Variants in RXRA observed in about 807,000 individuals in gnomAD.
RXRA encodes retinoid X receptor alpha.
A neutral mutation model predicts 44.5 loss-of-function variants in RXRA; 5 were observed. That is an observed-to-expected ratio of 0.11 (90% CI 0.06 to 0.24). The LOEUF is 0.24. RXRA is among the 10% of genes least tolerant of loss of function. RXRA has a pLI of 1.00. For synonymous variants in RXRA, 291 were observed against 271.4 expected (o/e 1.07, Z -0.71); for missense variants, 412 against 646.5 (o/e 0.64, Z 3.93).
In RXRA at chr9:134,388,249, TG is replaced by T. The variant is rs1297989740; in HGVS notation, c.29-13378del. Among the ~76,000 whole-genome samples, 11 of 134,378 alleles carry T rather than the reference TG, an allele frequency of 8.2e-5. No individual in the cohort carries two copies. The East Asian group carries it at 2.6e-3, about 32-fold the overall frequency. The allele number at this position is 134,378 out of a possible 152,430, so 88.2% of individuals were successfully genotyped here. On this transcript the variant is annotated intron_variant, in intron 1 of 9. Transcript: ENST00000481739. Reference sequence around the variant, plus strand: ...GTTAGACTGTGCTCTTCGTCAGGGTTGGGGGATGTCTTTGGTGTTCTCAGCT... The same window carrying T: ...GTTAGACTGTGCTCTTCGTCAGGGTTGGGGATGTCTTTGGTGTTCTCAGCT...
intron 1 of RXRA, among the ~76,000 whole-genome samples, chr9:134,362,392 C>T (rs1830362984): frequency 6.6e-6 from 1 of 152,336 alleles, no homozygotes. Context: ...CGCTGGGTGC[C>T]CCTGCAGACA....
intron 1 of RXRA, among the ~76,000 whole-genome samples, chr9:134,363,032 C>A (rs1357132982): frequency 6.6e-6 from 1 of 152,316 alleles, no homozygotes; most frequent in East Asian, 1.9e-4. Context: ...AAAACAGGAC[C>A]CCTTTCTCTT....
chr9:134,376,796 G>T (rs1324510969), intron 1 of RXRA, among the ~76,000 whole-genome samples: 2 of 152,234 alleles, frequency 1.3e-5, no homozygotes, highest in Non-Finnish European at 2.9e-5. Flanking sequence ...AGCCAGGGGC[G>T]CAGCCCTAGG....
intron 6 of RXRA, chr9:134,424,655 C>T (rs139115177): frequency 7.1e-6 from 7 of 985,468 alleles, no homozygotes; most frequent in Middle Eastern, 5.2e-4. Context: ...GTAAGGTCCA[C>T]TGAAGCACAC....
chr9:134,430,463 G>T (rs986329097), intron 7 of RXRA, among the ~76,000 whole-genome samples: 1 of 152,232 alleles, frequency 6.6e-6, no homozygotes, highest in Non-Finnish European at 1.5e-5. Context: ...ATGCCCCAGG[G>T]GGTGGTTCAG....
rs532217794 is a variant in RXRA, at chr9:134,365,459, T to C, written c.29-36173T>C. On this transcript the variant is annotated intron_variant, in intron 1 of 9. Transcript: ENST00000481739. The surrounding 1 kb of genome is among the most constrained non-coding windows in gnomAD (Gnocchi z 4.0). The stretch of plus-strand genomic sequence containing the variant: ...TGTGAGACCCGGTGTTCTTGGCTGA[T>C]GTGTGGGTTTGCTCATGGGGTGGAC... Among the ~76,000 whole-genome samples, 1 of 152,172 alleles carries C rather than the reference T, an allele frequency of 6.6e-6. No individual in the cohort carries two copies. The highest frequency in any genetic ancestry group is 2.4e-5 in the African/African-American group (1 of 41,526).
chr9:134,390,089 C>G (rs972747859), intron 1 of RXRA, among the ~76,000 whole-genome samples: 55 of 152,276 alleles, frequency 3.6e-4, no homozygotes, highest in African/African-American at 1.2e-3. Flanking sequence ...GGCAGCAGGC[C>G]GGAGCCTGCG....
intron 1 of RXRA, among the ~76,000 whole-genome samples, chr9:134,355,167 G>T (rs1172527603): frequency 1.3e-5 from 2 of 152,224 alleles, no homozygotes; most frequent in African/African-American, 4.8e-5. Context: ...GCACATCTCT[G>T]CTGGCGTTTG....
Position 134,365,408 on chromosome 9 carries a change from C to T in RXRA, c.29-36224C>T, listed in dbSNP as rs563681935. Among the ~76,000 whole-genome samples the T allele has an allele frequency of 2.0e-5, 3 of 152,160 alleles. No individual in the cohort carries two copies. Among genetic ancestry groups the T allele is most frequent in the Non-Finnish European group, 4.4e-5 (3 of 68,014 alleles). ...GTTGCCTGGCCCAGGTGGGATTTGG[C>T]GGGTAACGCTCGTGGTGTGTCCTGG... is the stretch of plus-strand genomic sequence containing the variant. On this transcript the variant is annotated intron_variant, in intron 1 of 9. Coordinates refer to ENST00000481739, the MANE Select transcript of RXRA (RefSeq NM_002957.6). This position sits in a 1 kb window ranked among gnomAD's most constrained non-coding sequence, Gnocchi z 4.0.
rs888488224 is a variant in RXRA at position 134,417,444 on chromosome 9, C to T, written c.780+117C>T. The T allele has an allele frequency of 7.4e-6, 9 of 1,215,558 alleles. No homozygotes were observed. The African/African-American group carries it at 9.1e-5, about 12-fold the overall frequency. The allele number at this position is 1,215,558 out of a possible 1,614,324, so 75.3% of individuals were successfully genotyped here. ...AGAGGTCCTGGGGGCTGCCCTGGGC[C>T]CTGTGGCTGCCTCAGCTCGGCCTCT... is the stretch of plus-strand genomic sequence containing the variant. On this transcript the variant is annotated intron_variant, in intron 5 of 9. Transcript: ENST00000481739. The surrounding 1 kb of genome is among the most constrained non-coding windows in gnomAD (Gnocchi z 6.1).
intron 2 of RXRA, chr9:134,404,905 C>G (rs1003915880): frequency 6.6e-6 from 1 of 152,368 alleles, no homozygotes; most frequent in Admixed American, 6.5e-5. Context: ...GGCAGGAGAC[C>G]TGGGTGGGGC....
chr9:134,332,915 T>A (rs1554746846), intron 1 of RXRA, among the ~76,000 whole-genome samples: 2 of 152,078 alleles, frequency 1.3e-5, no homozygotes, highest in Non-Finnish European at 2.9e-5. Flanking sequence ...GGAGGATTCC[T>A]AGCATCTTCC....
At chr9:134,380,704 A>G (rs111271738) in intron 1 of RXRA, among the ~76,000 whole-genome samples, 18 of 152,108 alleles carry the variant, frequency 1.2e-4, no homozygotes, top group African/African-American at 1.4e-4. Flanking sequence ...CTCCTGGGCC[A>G]GGTGGGGAGT....
rs1035871955 is a variant in RXRA, at chr9:134,423,731, C to G, written c.910+1926C>G. 4.1e-6 allele frequency: 4 copies of G among 985,346 alleles called. No individual in the cohort carries two copies. In the African/African-American group the frequency reaches 7.0e-5, roughly 17 times the overall value. 61.0% of individuals were successfully genotyped at this position (985,346 alleles called of 1,614,324 possible). On this transcript the variant is annotated intron_variant, in intron 6 of 9. Transcript: ENST00000481739. The stretch of plus-strand genomic sequence containing the variant: ...CAGGGTATGGTGAGTATTCCGCCTG[C>G]CAAGGGAACCCTGCCCTTGTTTGCA...
At chr9:134,412,523 A>AG (rs1173790419) in intron 4 of RXRA, among the ~76,000 whole-genome samples, 1 of 152,188 alleles carries the variant, frequency 6.6e-6, no homozygotes, top group East Asian at 1.9e-4. Context: ...CCTATGCGGT[A>AG]GGATACCACA....
In RXRA at chr9:134,365,140, A is replaced by G. The variant is rs146709208; in HGVS notation, c.29-36492A>G. Among the ~76,000 whole-genome samples the G allele has an allele frequency of 0.014, 2,168 of 152,308 alleles. 56 individuals carry two copies. The highest frequency in any genetic ancestry group is 0.05 in the African/African-American group (2,066 of 41,556). ...GAGCCAATGGCTCCGGGGCCACCAC[A>G]GAGGCGGCTGTTGCTGGAGGGCTGA... On this transcript the variant is annotated intron_variant, in intron 1 of 9. Transcript: ENST00000481739. This position sits in a 1 kb window ranked among gnomAD's most constrained non-coding sequence, Gnocchi z 4.0.
intron 1 of RXRA, among the ~76,000 whole-genome samples, chr9:134,383,926 G>A (rs1001011943): frequency 3.3e-5 from 5 of 152,146 alleles, no homozygotes; most frequent in African/African-American, 7.2e-5. Flanking sequence ...CCAAGGGACC[G>A]TCTGGCCTGA....
chr9:134,379,794 A>G (rs1830614339), intron 1 of RXRA: 25 of 985,114 alleles, frequency 2.5e-5, no homozygotes, highest in Non-Finnish European at 3.0e-5. Context: ...GCCCCTAAGG[A>G]TGGAGCTCAG....
At chr9:134,425,147 C>T in intron 6 of RXRA, 1 of 985,340 alleles carries the variant, frequency 1.0e-6, no homozygotes, top group Non-Finnish European at 1.2e-6. Flanking sequence ...AGTGGGGGTG[C>T]AGTGGCCACA....
Sources: gnomAD v4.1 joint callset for allele counts (sites outside exome capture counted in the v4.1 genomes callset) on GRCh38, gnomAD v4.1.1 for gene constraint, Gnocchi (gnomAD v3.1) non-coding constraint, MANE v1.5 for transcripts, NCBI Gene and HGNC (gene_info 2026-07-23, HGNC 2026-07-21) for gene names.